The following ANTXRL variants were observed in gnomAD, a reference collection of about 807,000 sequenced individuals.
ANTXRL encodes anthrax toxin receptor-like.
Under a neutral mutation model 75.4 loss-of-function variants are expected in ANTXRL, and 63 were observed. The observed-to-expected ratio is 0.84, with a 90% CI of 0.68 to 1.03. The LOEUF is 1.03. Among genes scored for constraint, ANTXRL ranks in the 50% least tolerant of loss-of-function variants. The pLI, the probability that ANTXRL is intolerant of heterozygous loss-of-function variation, is 0.00. For missense variants in ANTXRL, 797 were observed against 789.4 expected (o/e 1.01, Z -0.12); for synonymous variants, 335 against 291.3 (o/e 1.15, Z -1.53).
At chr10:46,290,363 A>C (rs1565010951) in intron 1 of ANTXRL, among the ~76,000 whole-genome samples, 1 of 152,102 alleles carries the variant, frequency 6.6e-6, no homozygotes, top group Non-Finnish European at 1.5e-5. Flanking sequence ...TCGTCTGTTG[A>C]TGGACACTTG....
chr10:46,301,977 C>A (rs370865985), intron 9 of ANTXRL, among the ~76,000 whole-genome samples: 3 of 152,310 alleles, frequency 2.0e-5, no homozygotes, highest in Non-Finnish European at 4.4e-5. Context: ...CCCCTGTGGT[C>A]TTTGGGTCAG....
intron 9 of ANTXRL, among the ~76,000 whole-genome samples, chr10:46,298,548 T>C (rs1238203034): frequency 6.6e-6 from 1 of 151,270 alleles, no homozygotes; most frequent in East Asian, 1.9e-4. Context: ...GTGCACTGTG[T>C]GTGTCTGGCA....
At chr10:46,312,299 G>C (rs1206318466) in intron 15 of ANTXRL, among the ~76,000 whole-genome samples, 1 of 149,814 alleles carries the variant, frequency 6.7e-6, no homozygotes, top group Non-Finnish European at 1.5e-5. Context: ...GCAGGAGCTT[G>C]AGCCCCGGAG....
At chr10:46,307,696 G>A (rs1209116641) in intron 12 of ANTXRL, among the ~76,000 whole-genome samples, 2 of 152,104 alleles carry the variant, frequency 1.3e-5, no homozygotes, top group African/African-American at 2.4e-5. Flanking sequence ...CTCTAGGCCA[G>A]GACCTCAGGC....
intron 12 of ANTXRL, 72 bp from the exon 13 acceptor site, chr10:46,309,041 A>G: frequency 6.5e-7 from 1 of 1,530,484 alleles, no homozygotes; most frequent in Admixed American, 2.0e-5. Context: ...GAGTGGGCAG[A>G]TGGGCCACCA....
At chr10:46,306,720 G>A (rs1838111137) in intron 10 of ANTXRL, 83 bp from the exon 11 acceptor site, 1 of 1,262,444 alleles carries the variant, frequency 7.9e-7, no homozygotes, top group Middle Eastern at 1.9e-4. Flanking sequence ...CACAGGGTCA[G>A]CCCTGCATGC....
At position 46,287,123 on chromosome 10, in the gene ANTXRL, T is replaced by C; in HGVS notation, c.-140T>C. ...GGAGGTACCTGGTGGAGGGCCATAG[T>C]GTGCACTGGTGAAAGGGCAGGAGGA... On this transcript the variant is annotated 5_prime_UTR_variant, in exon 1 of 17. Transcript: ENST00000620264. The C allele has an allele frequency of 1.8e-6, 2 of 1,094,726 alleles. No individual in the cohort carries two copies. Among genetic ancestry groups the C allele is most frequent in the Non-Finnish European group, 2.5e-6 (2 of 787,438 alleles). The allele number at this position is 1,094,726 out of a possible 1,614,324, so 67.8% of individuals were successfully genotyped here.
intron 12 of ANTXRL, chr10:46,308,445 C>T (rs1233903429): frequency 1.4e-5 from 6 of 441,102 alleles, no homozygotes; most frequent in Admixed American, 2.4e-5. Context: ...CTCCCCTCCC[C>T]TCCCCTCTCC....
chr10:46,288,441 C>T (rs782366756), intron 1 of ANTXRL, among the ~76,000 whole-genome samples: 3 of 152,066 alleles, frequency 2.0e-5, no homozygotes, highest in South Asian at 2.1e-4. Context: ...TTTCCAGCAT[C>T]GCAGGTTGAA....
At chr10:46,306,928 C>CA in intron 11 of ANTXRL, 56 bp downstream of exon 11, 2 of 1,406,694 alleles carry the variant, frequency 1.4e-6, no homozygotes, top group Non-Finnish European at 1.9e-6. Flanking sequence ...CAGGGTTGGG[C>CA]ACCTTGAGGT....
chr10:46,299,545 C>T (rs554533704), intron 9 of ANTXRL, among the ~76,000 whole-genome samples: 20 of 152,176 alleles, frequency 1.3e-4, no homozygotes, highest in African/African-American at 4.6e-4. Context: ...CCCTTCATCA[C>T]GAGAGGACAT....
Position 46,293,824 on chromosome 10 carries a change from C to T in ANTXRL, c.321-5C>T, listed in dbSNP as rs1482948596. 3 of 1,535,486 alleles carry T rather than the reference C, an allele frequency of 2.0e-6. No individual in the cohort carries two copies. The highest frequency in any genetic ancestry group is 1.7e-4 in the Middle Eastern group (1 of 5,982). ...GCTTCTCACCAGCACATGATTCCTTCACAGCCCAAATATTCGGATGTGCTT... is the reference window on the plus strand; with the variant it reads ...GCTTCTCACCAGCACATGATTCCTTTACAGCCCAAATATTCGGATGTGCTT... On this transcript the variant is annotated splice_polypyrimidine_tract_variant and splice_region_variant and intron_variant, in intron 2 of 16. Coordinates refer to ENST00000620264, the MANE Select transcript of ANTXRL (RefSeq NM_001278688.3).
At chr10:46,319,062 T>C (rs1355805068) in intron 16 of ANTXRL, among the ~76,000 whole-genome samples, 2 of 152,172 alleles carry the variant, frequency 1.3e-5, no homozygotes, top group Non-Finnish European at 2.9e-5. Context: ...TCAGCTCCCA[T>C]TATAGAAGTA....
intron 9 of ANTXRL, among the ~76,000 whole-genome samples, chr10:46,301,475 A>C (rs1299470965): frequency 6.6e-6 from 1 of 152,178 alleles, no homozygotes; most frequent in African/African-American, 2.4e-5. Context: ...CACCTTGAGC[A>C]GGAAGAGTAG....
At chr10:46,288,244 G>A (rs1163640854) in intron 1 of ANTXRL, among the ~76,000 whole-genome samples, 1 of 152,144 alleles carries the variant, frequency 6.6e-6, no homozygotes, top group African/African-American at 2.4e-5. Context: ...ATCTTCAGGA[G>A]AATGTTGCAG....
chr10:46,307,459 C>G lies in ANTXRL; in HGVS notation c.1023C>G (p.Val341=), dbSNP rs1554962228. The G allele has an allele frequency of 7.8e-6, 12 of 1,536,128 alleles. No homozygotes were observed. The Admixed American group carries it at 9.8e-5, about 13-fold the overall frequency. Residue 341 remains valine (V), a synonymous_variant, in exon 12 of 17, where the codon GTC becomes GTG. Transcript: ENST00000620264. Reference sequence around the variant, plus strand: ...GCAAAACATTCTTCAAGAGCAATGTCAGCATCACCAGCACCACATGTGTGA... The same window carrying G: ...GCAAAACATTCTTCAAGAGCAATGTGAGCATCACCAGCACCACATGTGTGA... ...NKGKTFFKSN[V]SITSTTCGIF... is the part of the protein sequence containing the mutation.
rs1836801664 is a variant in ANTXRL, at chr10:46,287,270, G to A, written c.8G>A (p.Ser3Asn). The change falls in exon 1 of 17, where the codon AGC becomes AAC. Residue 3 changes from serine to asparagine, a missense_variant. Physicochemically the swap from Ser to Asn is conservative, Grantham distance 46. Transcript: ENST00000620264. MGSHESLGPYFLV... is the reference protein window; with the variant it reads MGNHESLGPYFLV... Reference sequence around the variant, plus strand: ...CACAGGGACAGCCAGATAATGGGGAGCCATGAGTCCCTGGGGCCCTACTTC... The same window carrying A: ...CACAGGGACAGCCAGATAATGGGGAACCATGAGTCCCTGGGGCCCTACTTC... 1.3e-6 allele frequency: 2 copies of A among 1,535,638 alleles called. No homozygotes were observed. Among genetic ancestry groups the A allele is most frequent in the Admixed American group, 2.0e-5 (1 of 50,964 alleles).
intron 11 of ANTXRL, 149 bp downstream of exon 11, chr10:46,307,021 C>T: frequency 1.4e-6 from 1 of 689,692 alleles, no homozygotes; most frequent in East Asian, 2.8e-5. Context: ...TCCCCACATC[C>T]CTTGTTAGTG....
chr10:46,308,514 C>T (rs181384530), intron 12 of ANTXRL: 84 of 445,196 alleles, frequency 1.9e-4, no homozygotes, highest in African/African-American at 1.2e-3. Flanking sequence ...TGCCTTCCCA[C>T]GGATGCCGCC....
Sources: allele counts gnomAD v4.1 joint callset (sites outside exome capture counted in the v4.1 genomes callset), GRCh38; gene constraint gnomAD v4.1.1; transcripts MANE v1.5; gene names NCBI Gene and HGNC (gene_info 2026-07-23, HGNC 2026-07-21).